RHPN2: variants seen among roughly 807,000 people sequenced by gnomAD.
The protein encoded by RHPN2 is rhophilin-2.
Under a neutral mutation model 79.0 loss-of-function variants are expected in RHPN2, and 40 were observed. That is an observed-to-expected ratio of 0.51 (90% CI 0.39 to 0.66). RHPN2 has a LOEUF of 0.66. Ranked by LOEUF, RHPN2 falls within the 30% of genes least tolerant of loss-of-function variation. The pLI is 0.00. For missense variants in RHPN2, 686 were observed against 883.5 expected (o/e 0.78, Z 2.83); for synonymous variants, 285 against 363.5 (o/e 0.78, Z 2.46).
intron 2 of RHPN2, among the ~76,000 whole-genome samples, chr19:33,029,070 G>T (rs1286273971): frequency 2.0e-5 from 3 of 152,006 alleles, no homozygotes; most frequent in African/African-American, 4.8e-5. Flanking sequence ...AACCCGGAAG[G>T]CAGAGGTTGC....
intron 12 of RHPN2, among the ~76,000 whole-genome samples, chr19:32,993,077 C>T (rs987241594): frequency 5.3e-5 from 8 of 151,690 alleles, no homozygotes; most frequent in South Asian, 4.2e-4. Flanking sequence ...ATGATCATGC[C>T]GCTGTAATCC....
chr19:33,002,742 G>A (rs1206911525), intron 8 of RHPN2, 71 bp downstream of exon 8: 36 of 1,558,940 alleles, frequency 2.3e-5, no homozygotes, highest in African/African-American at 4.1e-5. Flanking sequence ...GGAAGGCCCC[G>A]CTACTTCCAG....
At chr19:33,020,594 G>T (rs1023176181) in intron 4 of RHPN2, among the ~76,000 whole-genome samples, 1 of 151,560 alleles carries the variant, frequency 6.6e-6, no homozygotes, top group Non-Finnish European at 1.5e-5. Context: ...CCACCTTCCA[G>T]GTTCGAACGA....
At chr19:33,047,641 G>A (rs886550325) in intron 1 of RHPN2, among the ~76,000 whole-genome samples, 6 of 152,196 alleles carry the variant, frequency 3.9e-5, no homozygotes, top group East Asian at 1.9e-4. Flanking sequence ...TGGCCTCTCC[G>A]ACCTCTGCCC....
At chr19:32,999,856 C>G in intron 9 of RHPN2, 151 bp from the exon 10 acceptor site, 2 of 981,056 alleles carry the variant, frequency 2.0e-6, no homozygotes, top group East Asian at 6.4e-5. Context: ...CGGACACACC[C>G]CAGGCCGTCT....
intron 2 of RHPN2, among the ~76,000 whole-genome samples, chr19:33,031,246 TTCTATTCTAC>T (rs1161205693): frequency 1.3e-5 from 2 of 150,964 alleles, no homozygotes; most frequent in East Asian, 3.9e-4. Context: ...TTCTATTCTA[TTCTATTCTAC>T]TCTATTCTAT....
intron 1 of RHPN2, among the ~76,000 whole-genome samples, chr19:33,058,019 G>T (rs1419521313): frequency 2.0e-5 from 3 of 152,154 alleles, no homozygotes; most frequent in Non-Finnish European, 4.4e-5. Context: ...AATTAGCTGG[G>T]CATGGTGGCG....
Position 32,990,679 on chromosome 19 carries a change from T to C in RHPN2, c.1645-10A>G. ...CCCGGGCTCCTGCCACCTGAAAAAG[T>C]ATTGTTGAAATTAAGTCAACGTTTT... is the stretch of plus-strand genomic sequence containing the variant. On this transcript the variant is annotated splice_polypyrimidine_tract_variant and intron_variant, in intron 13 of 14. Coordinates refer to ENST00000254260, the MANE Select transcript of RHPN2 (RefSeq NM_033103.5). 1 of 1,613,922 alleles carries C rather than the reference T, an allele frequency of 6.2e-7. No homozygotes were observed. Among genetic ancestry groups the C allele is most frequent in the Non-Finnish European group, 8.5e-7 (1 of 1,179,832 alleles).
chr19:33,064,760 GC>G, intron 1 of RHPN2, 23 bp downstream of exon 1: 1 of 550,116 alleles, frequency 1.8e-6, no homozygotes, highest in Non-Finnish European at 2.5e-6. Flanking sequence ...GCAGGTCCCC[GC>G]CCGCCCGCCC....
chr19:33,021,660 A>G lies in RHPN2; in HGVS notation c.315-14T>C, dbSNP rs1217527353. 1.2e-6 allele frequency: 2 copies of G among 1,610,098 alleles called. No individual in the cohort carries two copies. Among genetic ancestry groups the G allele is most frequent in the Non-Finnish European group, 1.7e-6 (2 of 1,176,562 alleles). ...GTAAATGCCTCCCTATGAGGAACAC[A>G]ACAAGGTATGTATGAACACCCCCAA... is the stretch of plus-strand genomic sequence containing the variant. On this transcript the variant is annotated splice_polypyrimidine_tract_variant and intron_variant, in intron 3 of 14. Transcript: ENST00000254260.
intron 3 of RHPN2, among the ~76,000 whole-genome samples, chr19:33,025,645 T>C (rs900906264): frequency 2.0e-5 from 3 of 152,380 alleles, no homozygotes; most frequent in Middle Eastern, 3.4e-3. Flanking sequence ...CCTTACAGGG[T>C]CAATTTTGGC....
intron 2 of RHPN2, among the ~76,000 whole-genome samples, chr19:33,042,392 C>T (rs558054518): frequency 9.7e-4 from 147 of 152,244 alleles, no homozygotes; most frequent in African/African-American, 3.2e-3. Flanking sequence ...AAATCGGGGG[C>T]CTCTCTCACG....
intron 3 of RHPN2, among the ~76,000 whole-genome samples, chr19:33,023,645 C>G (rs867675131): frequency 7.3e-5 from 11 of 151,616 alleles, no homozygotes; most frequent in South Asian, 2.1e-4. Flanking sequence ...ATTAGCCAGG[C>G]AAGGTGGCGG....
chr19:33,012,866 T>A, intron 4 of RHPN2, 142 bp from the exon 5 acceptor site: 1 of 643,338 alleles, frequency 1.6e-6, no homozygotes, highest in Non-Finnish European at 2.8e-6. Context: ...TGGGGGAATT[T>A]ATTTTCTTAA....
At chr19:33,010,518 G>A (rs1027923253) in intron 6 of RHPN2, among the ~76,000 whole-genome samples, 40 of 151,394 alleles carry the variant, frequency 2.6e-4, no homozygotes, top group African/African-American at 8.0e-4. Context: ...AAGTAGCTGC[G>A]ACTACAAGGC....
intron 1 of RHPN2, among the ~76,000 whole-genome samples, chr19:33,045,529 AGT>A (rs1972135549): frequency 2.0e-5 from 3 of 151,680 alleles, no homozygotes; most frequent in Admixed American, 2.0e-4. Context: ...GCTGCAGTGC[AGT>A]GGCACAATCT....
At chr19:33,013,422 T>G (rs548557674) in intron 4 of RHPN2, among the ~76,000 whole-genome samples, 138 of 152,034 alleles carry the variant, frequency 9.1e-4, no homozygotes, top group African/African-American at 3.3e-3. Flanking sequence ...CTCAAACTCC[T>G]GGGCTCAAGC....
At chr19:33,003,811 G>A (rs565458179) in intron 7 of RHPN2, among the ~76,000 whole-genome samples, 53 of 152,230 alleles carry the variant, frequency 3.5e-4, no homozygotes, top group Non-Finnish European at 5.3e-4. Context: ...AGGTTAGCTG[G>A]GGCTGGAAAA....
At chr19:32,993,055 C>A (rs1234427214) in intron 12 of RHPN2, among the ~76,000 whole-genome samples, 1 of 152,036 alleles carries the variant, frequency 6.6e-6, no homozygotes, top group Non-Finnish European at 1.5e-5. Flanking sequence ...AAGGTTCAGG[C>A]TGCAGTGAGC....
Sources: gnomAD v4.1 joint callset for allele counts (sites outside exome capture counted in the v4.1 genomes callset) on GRCh38, gnomAD v4.1.1 for gene constraint, MANE v1.5 for transcripts, NCBI Gene and HGNC (gene_info 2026-07-23, HGNC 2026-07-21) for gene names.